The following CFHR4 variants were observed in gnomAD, a reference collection of about 807,000 sequenced individuals.
CFHR4 encodes the protein complement factor H related 4.
A neutral mutation model predicts 69.3 loss-of-function variants in CFHR4; 64 were observed. That is an observed-to-expected ratio of 0.92 (90% CI 0.76 to 1.14). CFHR4 has a LOEUF of 1.14. Among genes scored for constraint, CFHR4 ranks in the 50% most tolerant of loss-of-function variants. CFHR4 has a pLI of 0.00. For missense variants in CFHR4, 636 were observed against 684.9 expected, an observed-to-expected ratio of 0.93 and a Z score of 0.80; for synonymous variants, 244 against 237.0, an observed-to-expected ratio of 1.03 and a Z score of -0.27.
Position 196,914,590 on chromosome 1 carries a change from G to A in CFHR4, c.1276G>A (p.Gly426Arg). ...CACATTGGACTACGAATGCTACGAT[G>A]GATATGAAATCAGTTATGGAAACAC... ...HDTLDYECYDGYEISYGNTTG... is the reference protein window; with the variant it reads ...HDTLDYECYDRYEISYGNTTG... The change falls in exon 8 of 10, where the codon GGA (glycine) becomes AGA (arginine). Residue 426 changes from glycine (G) to arginine (R), a missense_variant. By Grantham distance (125) the Gly-to-Arg change is moderately radical. Coordinates refer to ENST00000608469, the MANE Select transcript of CFHR4 (RefSeq NM_001201550.3). The A allele has an allele frequency of 6.2e-7, 1 of 1,611,694 alleles. No individual in the cohort carries two copies. Among genetic ancestry groups the A allele is most frequent in the Non-Finnish European group, 8.5e-7 (1 of 1,179,136 alleles).
chr1:196,917,096 A>C (rs556326960), intron 9 of CFHR4, among the ~76,000 whole-genome samples: 1 of 151,816 alleles, frequency 6.6e-6, no homozygotes, highest in East Asian at 1.9e-4. Context: ...TTTGGATCTC[A>C]AAAGTGATAT....
At chr1:196,916,410 T>A (rs1201414898) in intron 9 of CFHR4, among the ~76,000 whole-genome samples, 1 of 151,946 alleles carries the variant, frequency 6.6e-6, no homozygotes, top group Non-Finnish European at 1.5e-5. Flanking sequence ...TACAAGCCGT[T>A]CTTTTCTGTG....
chr1:196,907,370 C>T lies in CFHR4; in HGVS notation c.671C>T (p.Ser224Phe). The T allele has an allele frequency of 6.2e-7, 1 of 1,611,974 alleles. No homozygotes were observed. The highest frequency in any genetic ancestry group is 8.5e-7 in the Non-Finnish European group (1 of 1,179,094). ...CCTATTAGCAATGGAGATACCACGT[C>T]CTTCCCGCAAAAAGTGTATCTGCCA... ...PPPISNGDTT[S>F]FPQKVYLPWS... Residue 224 changes from serine (S) to phenylalanine (F), a missense_variant, in exon 5 of 10, where the codon TCC becomes TTC. Around this residue, in one of 3 missense-constraint regions of CFHR4, gnomAD observed 529 missense variants for 533.2 expected, o/e 0.99. Transcript: ENST00000608469.
intron 1 of CFHR4, 134 bp from the exon 2 acceptor site, chr1:196,902,284 G>T: frequency 1.5e-6 from 1 of 651,806 alleles, no homozygotes; most frequent in Non-Finnish European, 2.6e-6. Context: ...TTGGATTTCT[G>T]TAACTTTTCT....
At chr1:196,914,122 C>T (rs560681504) in intron 7 of CFHR4, among the ~76,000 whole-genome samples, 5 of 151,354 alleles carry the variant, frequency 3.3e-5, no homozygotes, top group African/African-American at 1.2e-4. Context: ...TACATAACTA[C>T]ATAAATGGTT....
At position 196,912,775 on chromosome 1, in the gene CFHR4, G is replaced by T. The variant is rs1658346381; in HGVS notation, c.1033G>T (p.Gly345Ter). ...AAAATCAGATATAGAAATTGAAAAT[G>T]GATTCATTTCTGAATCTTCCTCTAT... ...CSKSDIEIEN[G>*]FISESSSIYI... Residue 345 changes from glycine (G) to a stop codon, truncating the protein, a stop_gained, in exon 7 of 10, where the codon GGA (glycine) becomes TGA (stop). Transcript: ENST00000608469. LOFTEE classifies it high-confidence loss of function. 1.3e-6 allele frequency: 2 copies of T among 1,596,208 alleles called. No homozygotes were observed. The highest frequency in any genetic ancestry group is 8.5e-7 in the Non-Finnish European group (1 of 1,171,548).
rs570664388 is a variant in CFHR4, at chr1:196,910,406, A to T, written c.925A>T (p.Thr309Ser). The T allele has an allele frequency of 2.9e-4, 471 of 1,612,498 alleles. 15 individuals are homozygous for T. In the African/African-American group the frequency reaches 5.4e-3, roughly 18 times the overall value. The change falls in exon 6 of 10, where the codon ACT becomes TCT. Residue 309 changes from threonine (T) to serine (S), a missense_variant. Transcript: ENST00000608469. Reference protein sequence around the residue: ...YSYYCDQNFVTPSGSYWDYIH... With the variant: ...YSYYCDQNFVSPSGSYWDYIH... ...CTATTACTGTGACCAAAATTTTGTGACTCCTTCAGGAAGTTACTGGGATTA... is the reference window on the plus strand; with the variant it reads ...CTATTACTGTGACCAAAATTTTGTGTCTCCTTCAGGAAGTTACTGGGATTA...
At chr1:196,902,049 T>C (rs538306759) in intron 1 of CFHR4, among the ~76,000 whole-genome samples, 1 of 151,394 alleles carries the variant, frequency 6.6e-6, no homozygotes, top group South Asian at 2.1e-4. Flanking sequence ...CACTCTAGAG[T>C]TGGTCTGAGA....
intron 7 of CFHR4, among the ~76,000 whole-genome samples, chr1:196,913,149 T>G (rs140131703): frequency 0.018 from 2,703 of 151,678 alleles, 148 homozygotes; most frequent in African/African-American, 0.06. Context: ...TGCCTTTACA[T>G]AAAAGCAATC....
At chr1:196,904,410 CA>C (rs1469760224) in intron 2 of CFHR4, among the ~76,000 whole-genome samples, 4 of 150,912 alleles carry the variant, frequency 2.7e-5, no homozygotes, top group Admixed American at 2.0e-4. Flanking sequence ...AATTACTAAC[CA>C]AAAAAGAACA....
intron 6 of CFHR4, 58 bp downstream of exon 6, chr1:196,910,536 A>C (rs1658204471): frequency 2.2e-6 from 3 of 1,394,434 alleles, no homozygotes; most frequent in South Asian, 2.4e-5. Flanking sequence ...TGGAGAGAGA[A>C]GAGCAAACAA....
intron 5 of CFHR4, among the ~76,000 whole-genome samples, chr1:196,909,881 G>T (rs1040834239): frequency 6.6e-5 from 10 of 151,098 alleles, no homozygotes; most frequent in African/African-American, 2.2e-4. Flanking sequence ...GCCAGGCGCG[G>T]TGGCTCACAC....
intron 1 of CFHR4, among the ~76,000 whole-genome samples, chr1:196,890,238 A>G (rs530013874): frequency 1.3e-5 from 2 of 151,648 alleles, no homozygotes; most frequent in East Asian, 1.9e-4. Context: ...TTATGTTTAT[A>G]TATACCTGTA....
At chr1:196,918,158 G>A (rs1658764354) in intron 9 of CFHR4, 52 bp from the exon 10 acceptor site, 1 of 1,551,456 alleles carries the variant, frequency 6.4e-7, no homozygotes. Flanking sequence ...CATTTTATTT[G>A]CTCATGAAAG....
In CFHR4 at chr1:196,918,272, G is replaced by A; in HGVS notation, c.1603G>A (p.Asp535Asn). The change falls in exon 10 of 10, where the codon GAC (aspartate) becomes AAC (asparagine). Residue 535 changes from aspartate (D) to asparagine (N), a missense_variant. Coordinates refer to ENST00000608469, the MANE Select transcript of CFHR4 (RefSeq NM_001201550.3). ...KNNIQLKGKS[D>N]IKYYAKTGDT... ...TAACATACAGTTAAAAGGAAAAAGT[G>A]ACATAAAATATTATGCAAAAACAGG... The A allele has an allele frequency of 6.2e-7, 1 of 1,608,112 alleles. No individual in the cohort carries two copies. The highest frequency in any genetic ancestry group is 8.5e-7 in the Non-Finnish European group (1 of 1,175,874).
At position 196,910,348 on chromosome 1, in the gene CFHR4, A is replaced by G. The variant is rs1380992701; in HGVS notation, c.867A>G (p.Pro289=). ...TATATTATGAGAATACGCGTAGACC[A>G]TACTTTCCAGTAGCTACAGGACAAT... The part of the protein sequence containing the change: ...GHLYYENTRR[P]YFPVATGQSY... Residue 289 remains proline, a synonymous_variant, in exon 6 of 10, where the codon CCA becomes CCG. Coordinates refer to ENST00000608469, the MANE Select transcript of CFHR4 (RefSeq NM_001201550.3). 5 of 1,612,110 alleles carry G rather than the reference A, an allele frequency of 3.1e-6. No individual in the cohort carries two copies. The highest frequency in any genetic ancestry group is 3.4e-6 in the Non-Finnish European group (4 of 1,179,234).
intron 1 of CFHR4, among the ~76,000 whole-genome samples, chr1:196,895,762 A>G (rs1480170908): frequency 1.3e-5 from 2 of 151,176 alleles, no homozygotes; most frequent in African/African-American, 2.4e-5. Flanking sequence ...TTTCAGGGAA[A>G]CTTTCAGTTT....
In CFHR4 at chr1:196,918,321, A is replaced by C. The variant is rs201727614; in HGVS notation, c.1652A>C (p.Lys551Thr). Residue 551 changes from lysine (K) to threonine (T), a missense_variant, in exon 10 of 10, where the codon AAA (lysine) becomes ACA (threonine). Lys to Thr is a moderately conservative substitution (Grantham distance 78, BLOSUM62 -1). Coordinates refer to ENST00000608469, the MANE Select transcript of CFHR4 (RefSeq NM_001201550.3). ...GGGGATACCATTGAATTTATGTGTA[A>C]ATTGGGATATAATGCGAATACATCA... Reference protein sequence around the residue: ...KTGDTIEFMCKLGYNANTSVL... With the variant: ...KTGDTIEFMCTLGYNANTSVL... 5.7e-4 allele frequency: 922 copies of C among 1,611,678 alleles called. 5 individuals are homozygous for C. The highest frequency in any genetic ancestry group is 7.0e-4 in the Non-Finnish European group (824 of 1,178,876).
At chr1:196,914,208 T>TAA (rs1658444700) in intron 7 of CFHR4, among the ~76,000 whole-genome samples, 2 of 151,500 alleles carry the variant, frequency 1.3e-5, no homozygotes, top group East Asian at 3.9e-4. Context: ...TAGACTTTAA[T>TAA]AACAGCCAAT....
Sources: allele counts gnomAD v4.1 joint callset (sites outside exome capture counted in the v4.1 genomes callset), GRCh38; gene constraint gnomAD v4.1.1; regional missense constraint gnomAD v4.1.1; transcripts MANE v1.5; gene names NCBI Gene and HGNC (gene_info 2026-07-23, HGNC 2026-07-21).